Variants in CAMTA1 observed in about 807,000 individuals in gnomAD.
The protein encoded by CAMTA1 is calmodulin-binding transcription activator 1.
Under a neutral mutation model 170.9 loss-of-function variants are expected in CAMTA1, and 27 were observed. That is an observed-to-expected ratio of 0.16 (90% confidence interval 0.12 to 0.22). CAMTA1 has a LOEUF of 0.22. Among genes scored for constraint, CAMTA1 ranks in the 10% least tolerant of loss-of-function variants. The pLI is 1.00. For synonymous variants in CAMTA1, 833 were observed against 891.5 expected, an observed-to-expected ratio of 0.93 and a Z score of 1.17; for missense variants, 1,619 against 2,217.2, an observed-to-expected ratio of 0.73 and a Z score of 5.42.
At chr1:7,490,251 G>A (rs1354496378) in intron 6 of CAMTA1, among the ~76,000 whole-genome samples, 3 of 152,250 alleles carry the variant, frequency 2.0e-5, no homozygotes, top group Non-Finnish European at 2.9e-5. Context: ...ATGTGGAGAT[G>A]TGCTTTCCAT....
At chr1:7,492,346 T>C (rs1039735755) in intron 6 of CAMTA1, among the ~76,000 whole-genome samples, 18 of 152,138 alleles carry the variant, frequency 1.2e-4, no homozygotes, top group Non-Finnish European at 5.9e-5. Flanking sequence ...GGGCGTGACA[T>C]GCATAGAGGC....
intron 5 of CAMTA1, among the ~76,000 whole-genome samples, chr1:7,318,067 G>A (rs896715449): frequency 6.6e-6 from 1 of 152,226 alleles, no homozygotes; most frequent in Non-Finnish European, 1.5e-5. Flanking sequence ...AAAGGGGGTG[G>A]GGGAAGATGA....
chr1:7,053,205 C>T (rs181414870), intron 3 of CAMTA1, among the ~76,000 whole-genome samples: 1 of 152,210 alleles, frequency 6.6e-6, no homozygotes, highest in Non-Finnish European at 1.5e-5. Flanking sequence ...CCTTCCCTCT[C>T]CTGCGGTGGC....
intron 3 of CAMTA1, among the ~76,000 whole-genome samples, chr1:6,930,079 C>T (rs1251250025): frequency 1.3e-5 from 2 of 152,140 alleles, no homozygotes; most frequent in African/African-American, 4.8e-5. Flanking sequence ...TGGCTGGACA[C>T]TGTGTTTTAG....
intron 6 of CAMTA1, among the ~76,000 whole-genome samples, chr1:7,494,296 T>A (rs371579352): frequency 6.6e-6 from 1 of 152,302 alleles, no homozygotes; most frequent in East Asian, 1.9e-4. Flanking sequence ...TTGCTATAGA[T>A]CAGAAATATT....
At chr1:6,915,506 A>AAGCCAGGC (rs1265296601) in intron 3 of CAMTA1, among the ~76,000 whole-genome samples, 1 of 152,214 alleles carries the variant, frequency 6.6e-6, no homozygotes, top group African/African-American at 2.4e-5. Flanking sequence ...GGAAGAGAAG[A>AAGCCAGGC]AGCCAGGCCG....
intron 4 of CAMTA1, among the ~76,000 whole-genome samples, chr1:7,223,170 CCCAT>C (rs1461833658): frequency 1.5e-5 from 2 of 132,544 alleles, no homozygotes; most frequent in Non-Finnish European, 3.3e-5. Flanking sequence ...CACCCACCCA[CCCAT>C]CCAACCATTC....
intron 11 of CAMTA1, among the ~76,000 whole-genome samples, chr1:7,711,717 A>G (rs180888677): frequency 6.2e-4 from 94 of 152,350 alleles, no homozygotes; most frequent in African/African-American, 2.2e-3. Context: ...ATTTATTTAA[A>G]TATCCTCTTT....
At chr1:7,349,750 C>T (rs2084512857) in intron 5 of CAMTA1, among the ~76,000 whole-genome samples, 1 of 152,224 alleles carries the variant, frequency 6.6e-6, no homozygotes, top group Admixed American at 6.5e-5. Flanking sequence ...TGCGAAGACT[C>T]GCTTTCCAAA....
chr1:6,867,345 G>T (rs981397443), intron 3 of CAMTA1, among the ~76,000 whole-genome samples: 1 of 152,078 alleles, frequency 6.6e-6, no homozygotes, highest in Admixed American at 6.5e-5. Context: ...TCTTTTTGAG[G>T]AGTATTGTGG....
chr1:7,499,133 G>A (rs1203719995), intron 6 of CAMTA1, among the ~76,000 whole-genome samples: 1 of 134,126 alleles, frequency 7.5e-6, no homozygotes, highest in East Asian at 2.3e-4. Context: ...GTGTGATCCT[G>A]GTGTGCGTGT....
chr1:7,223,367 TGA>T (rs923658963), intron 4 of CAMTA1, among the ~76,000 whole-genome samples: 3 of 151,930 alleles, frequency 2.0e-5, no homozygotes, highest in Non-Finnish European at 2.9e-5. Flanking sequence ...CGTATGTGTG[TGA>T]GTGTATGCAT....
chr1:7,101,902 CACA>C (rs1362483918), intron 4 of CAMTA1, among the ~76,000 whole-genome samples: 1 of 152,210 alleles, frequency 6.6e-6, no homozygotes, highest in East Asian at 1.9e-4. Flanking sequence ...CACATATACA[CACA>C]ACTACACACA....
intron 5 of CAMTA1, among the ~76,000 whole-genome samples, chr1:7,424,105 C>T (rs922407960): frequency 3.3e-5 from 5 of 152,122 alleles, no homozygotes; most frequent in Non-Finnish European, 5.9e-5. Context: ...CTCTCACCAC[C>T]GTCCCCACGT....
intron 3 of CAMTA1, among the ~76,000 whole-genome samples, chr1:6,920,829 A>T (rs1029653136): frequency 2.0e-5 from 3 of 152,192 alleles, no homozygotes; most frequent in Non-Finnish European, 4.4e-5. Flanking sequence ...AGCAACTGGG[A>T]CATAGGGCAC....
chr1:6,977,172 G>C (rs1364837093), intron 3 of CAMTA1, among the ~76,000 whole-genome samples: 1 of 152,104 alleles, frequency 6.6e-6, no homozygotes, highest in African/African-American at 2.4e-5. Flanking sequence ...CCTGCTGTTG[G>C]AAGTTGCAAC....
At position 7,456,500 on chromosome 1, in the gene CAMTA1, A is replaced by G. The variant is rs948831259; in HGVS notation, c.439-11330A>G. Reference sequence around the variant, plus strand: ...GATAGCAACAGCACTGATACATTGAAATAGGCTAAAAGAACAAGAGCCAGT... The same window carrying G: ...GATAGCAACAGCACTGATACATTGAGATAGGCTAAAAGAACAAGAGCCAGT... On this transcript the variant is annotated intron_variant, in intron 5 of 22. Coordinates refer to ENST00000303635, the MANE Select transcript of CAMTA1 (RefSeq NM_015215.4). The surrounding 1 kb of genome is among the most constrained non-coding windows in gnomAD (Gnocchi z 4.9). 3.9e-5 allele frequency among the ~76,000 whole-genome samples: 6 copies of G among 152,366 alleles called. No homozygotes were observed. The East Asian group carries it at 1.2e-3, about 29-fold the overall frequency.
intron 11 of CAMTA1, among the ~76,000 whole-genome samples, chr1:7,704,002 C>G (rs1049884327): frequency 1.3e-5 from 2 of 151,970 alleles, no homozygotes; most frequent in Non-Finnish European, 2.9e-5. Context: ...ACCCCCTCCC[C>G]AAAGCCGGAG....
intron 3 of CAMTA1, among the ~76,000 whole-genome samples, chr1:7,047,512 TTC>T (rs1190283047): frequency 6.6e-6 from 1 of 152,136 alleles, no homozygotes; most frequent in Admixed American, 6.5e-5. Flanking sequence ...TTACCTTTCT[TTC>T]TCTCTTCTCC....
Sources: gnomAD v4.1 joint callset for allele counts (sites outside exome capture counted in the v4.1 genomes callset) on GRCh38, gnomAD v4.1.1 for gene constraint, Gnocchi (gnomAD v3.1) non-coding constraint, MANE v1.5 for transcripts, NCBI Gene and HGNC (gene_info 2026-07-23, HGNC 2026-07-21) for gene names.